The following UBE4B variants were observed in gnomAD, a reference collection of about 807,000 sequenced individuals.
UBE4B encodes ubiquitination factor E4B.
Under a neutral mutation model 148.1 loss-of-function variants are expected in UBE4B, and 27 were observed. The observed-to-expected ratio is 0.18, with a 90% CI of 0.13 to 0.25. The LOEUF (loss-of-function observed/expected upper bound fraction) is 0.25. UBE4B is among the 10% of genes least tolerant of loss of function. UBE4B has a pLI of 1.00. For synonymous variants in UBE4B, 596 were observed against 619.3 expected (o/e 0.96, Z 0.56); for missense variants, 1,170 against 1,662.4 (o/e 0.70, Z 5.15).
intron 2 of UBE4B, among the ~76,000 whole-genome samples, chr1:10,076,741 C>CTTT (rs61563451): frequency 1.7e-3 from 179 of 105,848 alleles, no homozygotes; most frequent in Non-Finnish European, 2.3e-3. Flanking sequence ...CAGTCCCAGC[C>CTTT]TTTTTTTTTT....
rs1050906858 is a variant in UBE4B, at chr1:10,151,338, G to T, written c.2703G>T (p.Gln901His). ...TGCCTCTGTTCAGATACTCTCCCCA[G>T]GCGCTTTATGAGCCCTGTACTCAGG... Reference protein sequence around the residue: ...FLFFIVQYSPQALYEPCTQDI... With the variant: ...FLFFIVQYSPHALYEPCTQDI... Residue 901 changes from glutamine to histidine, a missense_variant, in exon 21 of 28, where the codon CAG becomes CAT. Physicochemically the swap from Gln to His is conservative, Grantham distance 24. Transcript: ENST00000343090. The T allele has an allele frequency of 1.9e-6, 3 of 1,613,830 alleles. No individual in the cohort carries two copies. The highest frequency in any genetic ancestry group is 1.7e-6 in the Non-Finnish European group (2 of 1,180,024).
intron 2 of UBE4B, among the ~76,000 whole-genome samples, chr1:10,073,924 T>A (rs1237242569): frequency 8.3e-5 from 12 of 143,832 alleles, no homozygotes; most frequent in Non-Finnish European, 1.4e-4. Context: ...CTTTCTATTT[T>A]TTTTTTTTTT....
At chr1:10,066,311 G>T (rs560153635) in intron 1 of UBE4B, among the ~76,000 whole-genome samples, 9 of 151,808 alleles carry the variant, frequency 5.9e-5, no homozygotes, top group East Asian at 3.9e-4. Flanking sequence ...TGGGATTGGG[G>T]GGGGAGGGGG....
At chr1:10,125,078 A>ATT (rs1645470621) in intron 10 of UBE4B, among the ~76,000 whole-genome samples, 25 of 152,224 alleles carry the variant, frequency 1.6e-4, no homozygotes, top group Admixed American at 1.4e-3. Flanking sequence ...TTTAGCTGAG[A>ATT]TCGCGCCACT....
intron 2 of UBE4B, among the ~76,000 whole-genome samples, chr1:10,082,854 T>G (rs1482928327): frequency 7.5e-6 from 1 of 134,160 alleles, no homozygotes; most frequent in African/African-American, 2.8e-5. Context: ...CTCCCCTCCC[T>G]GTGTCCCTGT....
At chr1:10,083,000 A>T (rs1318040257) in intron 2 of UBE4B, among the ~76,000 whole-genome samples, 1 of 151,882 alleles carries the variant, frequency 6.6e-6, no homozygotes, top group African/African-American at 2.4e-5. Context: ...ATTCTTTTTT[A>T]CGGCTGCATA....
At chr1:10,179,053 G>A in intron 26 of UBE4B, 1 of 492,608 alleles carries the variant, frequency 2.0e-6, no homozygotes, top group Non-Finnish European at 3.4e-6. Context: ...AGATTCTAAG[G>A]GCAGGGCTGC....
chr1:10,072,422 C>T (rs1570826030), intron 2 of UBE4B: 2 of 678,974 alleles, frequency 2.9e-6, no homozygotes, highest in Non-Finnish European at 2.6e-6. Context: ...GCTTTTCTTT[C>T]CATAACTTCC....
chr1:10,169,648 C>T (rs1646309010), intron 24 of UBE4B, among the ~76,000 whole-genome samples: 1 of 152,234 alleles, frequency 6.6e-6, no homozygotes, highest in Admixed American at 6.5e-5. Context: ...TTGATTAATT[C>T]CTTTGTAACA....
At chr1:10,082,105 A>G (rs1284819423) in intron 2 of UBE4B, among the ~76,000 whole-genome samples, 1 of 152,172 alleles carries the variant, frequency 6.6e-6, no homozygotes, top group Admixed American at 6.5e-5. Flanking sequence ...TGAATGCTCT[A>G]AATTCACGTA....
intron 25 of UBE4B, among the ~76,000 whole-genome samples, chr1:10,177,282 G>T (rs1470470848): frequency 6.6e-6 from 1 of 151,906 alleles, no homozygotes; most frequent in Non-Finnish European, 1.5e-5. Flanking sequence ...CACTTTGGGA[G>T]GCCAAGGTGG....
intron 1 of UBE4B, among the ~76,000 whole-genome samples, chr1:10,034,614 T>G (rs1643432950): frequency 6.6e-6 from 1 of 152,238 alleles, no homozygotes; most frequent in Non-Finnish European, 1.5e-5. Context: ...CTCTTTAGCC[T>G]ACCTCCACAT....
At chr1:10,054,613 T>C in intron 1 of UBE4B, 1 of 263,146 alleles carries the variant, frequency 3.8e-6, no homozygotes, top group South Asian at 4.5e-5. Context: ...ATGTGCTCAA[T>C]ATGCATATTA....
At chr1:10,074,496 T>G (rs1644545273) in intron 2 of UBE4B, among the ~76,000 whole-genome samples, 1 of 152,172 alleles carries the variant, frequency 6.6e-6, no homozygotes, top group South Asian at 2.1e-4. Flanking sequence ...ATGAGTTGCC[T>G]GTCCTCTCCA....
intron 23 of UBE4B, among the ~76,000 whole-genome samples, chr1:10,167,590 T>C (rs1646273180): frequency 8.5e-6 from 1 of 117,858 alleles, no homozygotes; most frequent in Admixed American, 7.9e-5. Context: ...TGATGGTGAC[T>C]TTTTTTTTTT....
intron 19 of UBE4B, among the ~76,000 whole-genome samples, chr1:10,147,858 T>G (rs1254941317): frequency 6.6e-6 from 1 of 152,206 alleles, no homozygotes; most frequent in Non-Finnish European, 1.5e-5. Context: ...ATTATTTTAC[T>G]GTTATGAAGT....
chr1:10,134,782 A>G (rs1645650663), intron 15 of UBE4B, among the ~76,000 whole-genome samples: 2 of 152,042 alleles, frequency 1.3e-5, no homozygotes, highest in African/African-American at 2.4e-5. Context: ...CTGTAATCCC[A>G]GCACTTTGGG....
intron 10 of UBE4B, among the ~76,000 whole-genome samples, chr1:10,124,944 G>GGCAAA (rs1645467882): frequency 6.6e-6 from 1 of 152,078 alleles, no homozygotes; most frequent in African/African-American, 2.4e-5. Context: ...TGGGCAACAT[G>GGCAAA]GCAAAACCCC....
intron 17 of UBE4B, among the ~76,000 whole-genome samples, chr1:10,143,136 T>C (rs954467096): frequency 5.3e-5 from 8 of 151,992 alleles, no homozygotes; most frequent in African/African-American, 1.9e-4. Context: ...TGGGCACGTG[T>C]CTGACACCTG....
Sources: allele counts gnomAD v4.1 joint callset (sites outside exome capture counted in the v4.1 genomes callset), GRCh38; gene constraint gnomAD v4.1.1; transcripts MANE v1.5; gene names NCBI Gene and HGNC (gene_info 2026-07-23, HGNC 2026-07-21).